The following VWA3B variants were observed in gnomAD, a reference collection of about 807,000 sequenced individuals.
The protein encoded by VWA3B is von Willebrand factor A domain-containing protein 3B.
Under a neutral mutation model 158.3 loss-of-function variants are expected in VWA3B, and 138 were observed. The ratio of observed to expected loss-of-function variants is 0.87; its 90% CI spans 0.76 to 1.00. VWA3B has a LOEUF of 1.00. Ranked by LOEUF, VWA3B falls within the 50% of genes least tolerant of loss-of-function variation. The pLI is 0.00. For missense variants in VWA3B, 1,555 were observed against 1,565.1 expected, an observed-to-expected ratio of 0.99 and a Z score of 0.11; for synonymous variants, 596 against 587.3, an observed-to-expected ratio of 1.01 and a Z score of -0.21.
intron 7 of VWA3B, among the ~76,000 whole-genome samples, chr2:98,144,892 A>G (rs1406933487): frequency 6.6e-6 from 1 of 152,176 alleles, no homozygotes; most frequent in African/African-American, 2.4e-5. Context: ...CCTTTTCTGC[A>G]GTCTTTACAC....
intron 12 of VWA3B, among the ~76,000 whole-genome samples, chr2:98,196,665 G>A (rs1046640320): frequency 2.0e-5 from 3 of 152,052 alleles, no homozygotes; most frequent in African/African-American, 7.2e-5. Context: ...ATGTTTCCCC[G>A]GGCTCTCTCT....
chr2:98,256,197 C>CA, intron 21 of VWA3B, 23 bp downstream of exon 21: 2 of 1,506,506 alleles, frequency 1.3e-6, no homozygotes, highest in Admixed American at 2.0e-5. Context: ...ATTCCCTCCT[C>CA]ACTTTTTTTT....
rs574437846 is a variant in VWA3B, at chr2:98,174,624, G to C, written c.1115-6392G>C. Among the ~76,000 whole-genome samples the C allele has an allele frequency of 1.8e-3, 271 of 152,338 alleles. 1 individual carries two copies. The highest frequency in any genetic ancestry group is 2.7e-3 in the Non-Finnish European group (185 of 68,028). On this transcript the variant is annotated intron_variant, in intron 8 of 27. Transcript: ENST00000477737. Reference sequence around the variant, plus strand: ...CACTTAAGATGAAAAACTGGGGAATGGGATGTCCATTGGTCTTTCCAAAGC... The same window carrying C: ...CACTTAAGATGAAAAACTGGGGAATCGGATGTCCATTGGTCTTTCCAAAGC...
Position 98,270,780 on chromosome 2 carries a change from C to T in VWA3B, c.2942C>T (p.Ser981Leu), listed in dbSNP as rs371106176. 98 of 1,613,998 alleles carry T rather than the reference C, an allele frequency of 6.1e-5. No homozygotes were observed. Among genetic ancestry groups the T allele is most frequent in the South Asian group, 8.8e-5 (8 of 91,078 alleles). Residue 981 changes from serine to leucine, a missense_variant, in exon 22 of 28, where the codon TCG becomes TTG. Ser to Leu is a moderately radical substitution (Grantham distance 145, BLOSUM62 -2). Transcript: ENST00000477737. Reference sequence around the variant, plus strand: ...TGGCCCATTTCACTGAAAGAGCTGTCGATGCTGGAAAGTGAAATCCTAGCT... The same window carrying T: ...TGGCCCATTTCACTGAAAGAGCTGTTGATGCTGGAAAGTGAAATCCTAGCT... The part of the protein sequence containing the change: ...LNWPISLKEL[S>L]MLESEILAGK...
downstream of VWA3B, among the ~76,000 whole-genome samples, chr2:98,317,369 A>G (rs1365500248): frequency 1.3e-5 from 2 of 152,202 alleles, no homozygotes; most frequent in Non-Finnish European, 2.9e-5. Flanking sequence ...CTCCTAGGCC[A>G]GAGCACTCTA....
At chr2:98,275,515 C>T (rs947785215) in intron 22 of VWA3B, among the ~76,000 whole-genome samples, 8 of 152,240 alleles carry the variant, frequency 5.3e-5, no homozygotes, top group Non-Finnish European at 1.0e-4. Context: ...GCCTGAGTAG[C>T]GTCACACAGC....
At chr2:98,262,215 C>A (rs141264694) in intron 21 of VWA3B, among the ~76,000 whole-genome samples, 66 of 151,648 alleles carry the variant, frequency 4.4e-4, no homozygotes, top group African/African-American at 1.5e-3. Context: ...CACTTTCTCC[C>A]ATTTTTTAGG....
At chr2:98,162,433 A>T (rs1456919481) in intron 7 of VWA3B, among the ~76,000 whole-genome samples, 1 of 152,150 alleles carries the variant, frequency 6.6e-6, no homozygotes, top group Non-Finnish European at 1.5e-5. Flanking sequence ...GGTTTCAAAG[A>T]AGCAGGACAC....
intron 12 of VWA3B, among the ~76,000 whole-genome samples, chr2:98,196,768 C>T (rs1262140922): frequency 6.6e-6 from 1 of 152,166 alleles, no homozygotes; most frequent in East Asian, 1.9e-4. Flanking sequence ...AAGAGTTGTT[C>T]TGTTTACCAT....
At chr2:98,269,668 C>G (rs745707696) in intron 21 of VWA3B, among the ~76,000 whole-genome samples, 1 of 152,196 alleles carries the variant, frequency 6.6e-6, no homozygotes, top group Non-Finnish European at 1.5e-5. Flanking sequence ...CTTTCTTACT[C>G]TCCTTCATGC....
In VWA3B at chr2:98,125,027, C is replaced by T. The variant is rs1021449154; in HGVS notation, c.703-3212C>T. The stretch of plus-strand genomic sequence containing the variant: ...TGGAACTCATGTATTTTATCAAATT[C>T]GGTGCAAATCAGCATTTAGGGAAAT... On this transcript the variant is annotated intron_variant, in intron 5 of 27. Transcript: ENST00000477737. This position sits in a 1 kb window ranked among gnomAD's most constrained non-coding sequence, Gnocchi z 4.1. Among the ~76,000 whole-genome samples the T allele has an allele frequency of 5.3e-5, 8 of 152,280 alleles. No individual in the cohort carries two copies. In the East Asian group the frequency reaches 5.8e-4, roughly 11 times the overall value.
chr2:98,249,603 T>A (rs1686665377), intron 19 of VWA3B, among the ~76,000 whole-genome samples: 1 of 152,112 alleles, frequency 6.6e-6, no homozygotes, highest in African/African-American at 2.4e-5. Flanking sequence ...CCAATACATT[T>A]ACCATCTTTT....
the VWA3B span, among the ~76,000 whole-genome samples, chr2:98,323,942 T>C: frequency 2.6e-5 from 4 of 152,192 alleles, no homozygotes; most frequent in Non-Finnish European, 5.9e-5. Flanking sequence ...CATCCTGTTA[T>C]TACATATTTT....
At chr2:98,186,713 C>G (rs140142590) in intron 9 of VWA3B, among the ~76,000 whole-genome samples, 1 of 152,004 alleles carries the variant, frequency 6.6e-6, no homozygotes, top group Non-Finnish European at 1.5e-5. Flanking sequence ...CTTGGCTGCC[C>G]GGGGCCATGC....
At chr2:98,105,823 T>G (rs1416868061) in intron 2 of VWA3B, among the ~76,000 whole-genome samples, 1 of 152,184 alleles carries the variant, frequency 6.6e-6, no homozygotes, top group Non-Finnish European at 1.5e-5. Context: ...GTGACTACCC[T>G]TCCTACTTTG....
chr2:98,244,913 C>A (rs936909964), intron 19 of VWA3B, among the ~76,000 whole-genome samples: 3 of 151,998 alleles, frequency 2.0e-5, no homozygotes, highest in African/African-American at 7.3e-5. Flanking sequence ...CAGAATCAGC[C>A]CAAACTGGCC....
the VWA3B span, among the ~76,000 whole-genome samples, chr2:98,326,090 G>A: frequency 6.6e-6 from 1 of 152,040 alleles, no homozygotes; most frequent in African/African-American, 2.4e-5. Flanking sequence ...AAAAATCCAT[G>A]CAACAAAGAA....
At chr2:98,138,789 G>A (rs7559678) in intron 7 of VWA3B, among the ~76,000 whole-genome samples, 21 of 152,012 alleles carry the variant, frequency 1.4e-4, no homozygotes, top group African/African-American at 4.4e-4. Flanking sequence ...GGTACGTGGC[G>A]GTTGTCTCAG....
chr2:98,143,322 A>G (rs2105115841), intron 7 of VWA3B, among the ~76,000 whole-genome samples: 1 of 152,322 alleles, frequency 6.6e-6, no homozygotes, highest in East Asian at 1.9e-4. Context: ...TACAGGCGTG[A>G]GCCACCATGC....
Sources: allele counts gnomAD v4.1 joint callset (sites outside exome capture counted in the v4.1 genomes callset), GRCh38; gene constraint gnomAD v4.1.1; non-coding constraint Gnocchi (gnomAD v3.1); transcripts MANE v1.5; gene names NCBI Gene and HGNC (gene_info 2026-07-23, HGNC 2026-07-21).